Variants in LARGE1 observed in about 807,000 individuals in gnomAD.
LARGE1 encodes xylosyl- and glucuronyltransferase LARGE1.
Under a neutral mutation model 87.6 loss-of-function variants are expected in LARGE1, and 43 were observed. The ratio of observed to expected loss-of-function variants is 0.49; its 90% CI spans 0.38 to 0.63. The LOEUF (loss-of-function observed/expected upper bound fraction) is 0.63. Among genes scored for constraint, LARGE1 ranks in the 30% least tolerant of loss-of-function variants. The pLI is 0.00. For synonymous variants in LARGE1, 434 were observed against 394.6 expected (o/e 1.10, Z -1.18); for missense variants, 802 against 1,000.2 (o/e 0.80, Z 2.67).
downstream of LARGE1, among the ~76,000 whole-genome samples, chr22:33,157,389 C>T (rs1921906735): frequency 6.6e-6 from 1 of 152,164 alleles, no homozygotes; most frequent in Non-Finnish European, 1.5e-5. Context: ...TAATGTTTTC[C>T]CACTTTTTTA....
At chr22:33,763,603 G>GT (rs2084803369) in intron 1 of LARGE1, among the ~76,000 whole-genome samples, 1 of 152,162 alleles carries the variant, frequency 6.6e-6, no homozygotes, top group African/African-American at 2.4e-5. Context: ...TTAGAGAGAT[G>GT]TGGGTTCAAG....
chr22:33,725,893 C>CT (rs11434148), intron 2 of LARGE1: 93,921 of 151,752 alleles, frequency 0.62, 30,583 homozygotes, highest in African/African-American at 0.83. Context: ...ATTTGCCCCC[C>CT]TGCCGCGGAG....
intron 2 of LARGE1, among the ~76,000 whole-genome samples, chr22:33,676,359 A>G (rs958968874): frequency 2.4e-5 from 3 of 126,030 alleles, no homozygotes; most frequent in African/African-American, 9.3e-5. Context: ...ATCATATGTT[A>G]CAGATTCAAT....
intron 6 of LARGE1, among the ~76,000 whole-genome samples, chr22:33,520,712 A>G (rs1242537982): frequency 6.6e-6 from 1 of 152,220 alleles, no homozygotes; most frequent in Non-Finnish European, 1.5e-5. Context: ...TCTATGAGAC[A>G]TGATCTGACA....
intron 11 of LARGE1, among the ~76,000 whole-genome samples, chr22:33,172,983 CATTCAA>C (rs1922659267): frequency 6.6e-6 from 1 of 152,122 alleles, no homozygotes; most frequent in Non-Finnish European, 1.5e-5. Flanking sequence ...TACAGGCCAA[CATTCAA>C]ATTCAGGAAA....
intron 11 of LARGE1, among the ~76,000 whole-genome samples, chr22:33,201,711 A>G (rs546156687): frequency 1.3e-5 from 2 of 152,226 alleles, no homozygotes; most frequent in Non-Finnish European, 2.9e-5. Context: ...GCTGAGGGTC[A>G]GAGAAGTGAT....
In LARGE1 at chr22:33,273,594, T is replaced by C. The variant is rs748248240; in HGVS notation, c.*833A>G. On this transcript the variant is annotated 3_prime_UTR_variant, in exon 15 of 15. Coordinates refer to ENST00000397394, the MANE Select transcript of LARGE1 (RefSeq NM_133642.5). ...GTCCCCATCGCTATAGCCCCTGGAT[T>C]CTGGAGAGTAGGGAGTTCAAAGTCA... is the stretch of plus-strand genomic sequence containing the variant. 4.0e-5 allele frequency: 16 copies of C among 398,730 alleles called. No individual in the cohort carries two copies. The highest frequency in any genetic ancestry group is 3.8e-4 in the South Asian group (3 of 7,858). The allele number at this position is 398,730 out of a possible 1,614,324, so 24.7% of individuals were successfully genotyped here.
chr22:33,771,497 A>T (rs985241001), intron 1 of LARGE1, among the ~76,000 whole-genome samples: 36 of 152,182 alleles, frequency 2.4e-4, no homozygotes, highest in Admixed American at 2.4e-3. Context: ...CCTCTGAGAT[A>T]CTTATTTCAT....
intron 2 of LARGE1, among the ~76,000 whole-genome samples, chr22:33,677,759 T>C (rs939596223): frequency 6.7e-6 from 1 of 148,656 alleles, no homozygotes; most frequent in Non-Finnish European, 1.5e-5. Context: ...GCCTCTCCTG[T>C]CCAGACCAAC....
chr22:33,852,589 G>C (rs2063622703), intron 1 of LARGE1, among the ~76,000 whole-genome samples: 1 of 152,114 alleles, frequency 6.6e-6, no homozygotes, highest in Admixed American at 6.5e-5. Context: ...GCTCACACTT[G>C]TAATCCTAGC....
intron 2 of LARGE1, among the ~76,000 whole-genome samples, chr22:33,731,664 T>C (rs1013338240): frequency 6.6e-6 from 1 of 152,192 alleles, no homozygotes; most frequent in Non-Finnish European, 1.5e-5. Flanking sequence ...TAGTTAACAA[T>C]ACTGTATCGT....
intron 4 of LARGE1, among the ~76,000 whole-genome samples, chr22:33,626,006 C>T (rs2079909101): frequency 6.6e-6 from 1 of 152,138 alleles, no homozygotes; most frequent in Admixed American, 6.5e-5. Context: ...TTGAGGTGTC[C>T]TTTAAGATTG....
At chr22:33,835,569 G>C (rs1392258038) in intron 1 of LARGE1, among the ~76,000 whole-genome samples, 1 of 152,174 alleles carries the variant, frequency 6.6e-6, no homozygotes, top group Admixed American at 6.5e-5. Context: ...TGAGAGCCTG[G>C]CAATATCCTC....
intron 4 of LARGE1, among the ~76,000 whole-genome samples, chr22:33,624,977 T>C (rs1352937022): frequency 6.6e-6 from 1 of 152,204 alleles, no homozygotes; most frequent in East Asian, 1.9e-4. Flanking sequence ...GTAGAACCAA[T>C]GACGAATCCC....
chr22:33,218,405 T>C (rs1925308625), intron 11 of LARGE1, among the ~76,000 whole-genome samples: 1 of 152,206 alleles, frequency 6.6e-6, no homozygotes, highest in Non-Finnish European at 1.5e-5. Context: ...TCTCATACCT[T>C]GCATGCACAA....
Position 33,920,428 on chromosome 22 carries a change from C to G in LARGE1, c.-516G>C, listed in dbSNP as rs1218749724. On this transcript the variant is annotated 5_prime_UTR_variant, in exon 1 of 15. Transcript: ENST00000397394. ...GGCGAGACGAGCGCGGCCGCGCCCC[C>G]AGCTTCGGGCGCCCGGGCTCCGGCG... is the stretch of plus-strand genomic sequence containing the variant. 1.3e-5 allele frequency: 2 copies of G among 148,570 alleles called. No homozygotes were observed. Among genetic ancestry groups the G allele is most frequent in the Non-Finnish European group, 3.0e-5 (2 of 66,972 alleles). The allele number at this position is 148,570 out of a possible 1,614,324, so 9.2% of individuals were successfully genotyped here.
chr22:33,203,904 C>G (rs1334371924), intron 11 of LARGE1, among the ~76,000 whole-genome samples: 1 of 152,164 alleles, frequency 6.6e-6, no homozygotes, highest in East Asian at 1.9e-4. Context: ...CTTCCCTACA[C>G]AACTTAAAGG....
intron 1 of LARGE1, among the ~76,000 whole-genome samples, chr22:33,794,563 A>C (rs913204486): frequency 3.3e-5 from 5 of 152,134 alleles, no homozygotes; most frequent in African/African-American, 1.2e-4. Context: ...CAAATTCTCT[A>C]AACTCAGTTT....
intron 7 of LARGE1, among the ~76,000 whole-genome samples, chr22:33,400,716 C>T (rs2065902293): frequency 6.6e-6 from 1 of 152,138 alleles, no homozygotes; most frequent in East Asian, 1.9e-4. Context: ...CTGCAACTTC[C>T]AGCTTAAACA....
Sources: allele counts gnomAD v4.1 joint callset (sites outside exome capture counted in the v4.1 genomes callset), GRCh38; gene constraint gnomAD v4.1.1; transcripts MANE v1.5; gene names NCBI Gene and HGNC (gene_info 2026-07-23, HGNC 2026-07-21).